BFSP1: variants seen among roughly 807,000 people sequenced by gnomAD.
BFSP1 encodes the protein filensin.
Under a neutral mutation model 43.9 loss-of-function variants are expected in BFSP1, and 38 were observed. That is an observed-to-expected ratio of 0.87 (90% confidence interval 0.67 to 1.14). The LOEUF is 1.14. BFSP1 is among the 50% of genes most tolerant of loss of function. BFSP1 has a pLI of 0.00. For missense variants in BFSP1, 850 were observed against 875.1 expected (o/e 0.97, Z 0.36); for synonymous variants, 352 against 354.8 (o/e 0.99, Z 0.09).
At chr20:17,497,630 A>ATATATATG in intron 6 of BFSP1, among the ~76,000 whole-genome samples, 3 of 143,320 alleles carry the variant, frequency 2.1e-5, no homozygotes, top group South Asian at 2.2e-4. Flanking sequence ...ATACACACAC[A>ATATATATG]TATATACATA....
At position 17,527,745 on chromosome 20, in the gene BFSP1, AAAATAAG is replaced by A. The variant is rs1465219639; in HGVS notation, c.378-2844_378-2838del. 7.1e-3 allele frequency among the ~76,000 whole-genome samples: 830 copies of A among 116,868 alleles called. 6 individuals are homozygous for A. The highest frequency in any genetic ancestry group is 0.031 in the African/African-American group (786 of 25,524). The allele number at this position is 116,868 out of a possible 152,430, so 76.7% of individuals were successfully genotyped here. ...TCTGTATCAAAAAAAATAATAAAAT[AAAATAAG>A]AGAGAGAGAGAGAGTGATTTCACTA... is the stretch of plus-strand genomic sequence containing the variant. On this transcript the variant is annotated intron_variant, in intron 1 of 7. Transcript: ENST00000377873.
intron 1 of BFSP1, among the ~76,000 whole-genome samples, chr20:17,552,612 G>A (rs2034913786): frequency 6.6e-6 from 1 of 152,188 alleles, no homozygotes; most frequent in African/African-American, 2.4e-5. Context: ...GTTTAGAGGT[G>A]ATGGTGAGTT....
At chr20:17,563,647 A>G (rs1159998400), upstream of BFSP1, among the ~76,000 whole-genome samples, 1 of 151,666 alleles carries the variant, frequency 6.6e-6, no homozygotes, top group East Asian at 1.9e-4. Context: ...CCACCACCCC[A>G]CCAGTTTCTG....
At chr20:17,530,309 G>T (rs1344400530) in intron 1 of BFSP1, among the ~76,000 whole-genome samples, 2 of 152,220 alleles carry the variant, frequency 1.3e-5, no homozygotes, top group Non-Finnish European at 2.9e-5. Flanking sequence ...ACAGCAGTTC[G>T]CCAGCTGAGG....
rs1257226746 is a variant in BFSP1, at chr20:17,494,978, G to C, written c.1094C>G (p.Ala365Gly). 6.2e-7 allele frequency: 1 copy of C among 1,613,912 alleles called. No homozygotes were observed. Among genetic ancestry groups the C allele is most frequent in the Non-Finnish European group, 8.5e-7 (1 of 1,179,996 alleles). Residue 365 changes from alanine (A) to glycine (G), a missense_variant, in exon 8 of 8, where the codon GCC (alanine) becomes GGC (glycine). Ala to Gly is a moderately conservative substitution (Grantham distance 60). Transcript: ENST00000377873. ...TCTCCTTGGAACATTCTTGGGGAGG[G>C]CTTTTTGTCTTGGTTTTGCTGCTGT... ...DITAAKPRQK[A>G]LPKNVPRRKE...
rs1454083369 is a variant in BFSP1 at position 17,507,324 on chromosome 20, T to C, written c.735+1565A>G. On this transcript the variant is annotated intron_variant, in intron 5 of 7. Coordinates refer to ENST00000377873, the MANE Select transcript of BFSP1 (RefSeq NM_001195.5). This position sits in a 1 kb window ranked among gnomAD's most constrained non-coding sequence, Gnocchi z 4.4. ...GTGTGTGTATTTCAACATATCCATA[T>C]GGATATAGAGAGATAAAACAAGGGC... Among the ~76,000 whole-genome samples, 1 of 151,896 alleles carries C rather than the reference T, an allele frequency of 6.6e-6. No homozygotes were observed. The highest frequency in any genetic ancestry group is 1.5e-5 in the Non-Finnish European group (1 of 67,980).
At chr20:17,527,348 C>A (rs1293411911) in intron 1 of BFSP1, among the ~76,000 whole-genome samples, 1 of 152,128 alleles carries the variant, frequency 6.6e-6, no homozygotes, top group Non-Finnish European at 1.5e-5. Context: ...GTTTCCATAG[C>A]TTAAGAACAT....
chr20:17,519,696 A>C (rs1259557722), intron 2 of BFSP1, among the ~76,000 whole-genome samples: 2 of 152,218 alleles, frequency 1.3e-5, no homozygotes, highest in Non-Finnish European at 2.9e-5. Context: ...AACTGCTCAT[A>C]GTGATAGTAA....
upstream of BFSP1, among the ~76,000 whole-genome samples, chr20:17,533,327 C>T (rs1298647289): frequency 1.3e-5 from 2 of 152,170 alleles, no homozygotes; most frequent in Non-Finnish European, 2.9e-5. Flanking sequence ...GGCTTCCTCA[C>T]GAGAGCAAAA....
chr20:17,517,500 T>C (rs932967027), intron 2 of BFSP1, among the ~76,000 whole-genome samples: 1 of 152,190 alleles, frequency 6.6e-6, no homozygotes, highest in Non-Finnish European at 1.5e-5. Flanking sequence ...GTCAGGCTGG[T>C]CTTGAACTCC....
chr20:17,527,531 T>C (rs1440420061), intron 1 of BFSP1, among the ~76,000 whole-genome samples: 1 of 151,978 alleles, frequency 6.6e-6, no homozygotes, highest in Admixed American at 6.6e-5. Flanking sequence ...ATCGAGACCA[T>C]CCTGGCTAAC....
rs147347481 is a variant in BFSP1, at chr20:17,509,370, C to T, written c.628-374G>A. ...CATCTTGATCTTGGACTTCCAGCACCCAGGACAGTGAGAAGTAAATGTCTG... is the reference window on the plus strand; with the variant it reads ...CATCTTGATCTTGGACTTCCAGCACTCAGGACAGTGAGAAGTAAATGTCTG... On this transcript the variant is annotated intron_variant, in intron 4 of 7. Coordinates refer to ENST00000377873, the MANE Select transcript of BFSP1 (RefSeq NM_001195.5). 1.2e-3 allele frequency among the ~76,000 whole-genome samples: 184 copies of T among 152,126 alleles called. 3 individuals carry two copies. The Middle Eastern group carries it at 0.017, about 14-fold the overall frequency.
upstream of BFSP1, chr20:17,563,176 C>A (rs1376647250): frequency 6.6e-6 from 1 of 152,216 alleles, no homozygotes; most frequent in Non-Finnish European, 1.5e-5. Flanking sequence ...CTCCTTCTTC[C>A]TTAGTAAAGG....
intron 1 of BFSP1, among the ~76,000 whole-genome samples, chr20:17,537,161 G>A (rs575014159): frequency 6.6e-6 from 1 of 152,176 alleles, no homozygotes; most frequent in African/African-American, 2.4e-5. Flanking sequence ...CCTGCCACAT[G>A]GTCCCACCAG....
upstream of BFSP1, among the ~76,000 whole-genome samples, chr20:17,535,921 T>G (rs1046917612): frequency 6.6e-6 from 1 of 152,056 alleles, no homozygotes; most frequent in Non-Finnish European, 1.5e-5. Context: ...CATTGAACAA[T>G]TTTACTTATT....
intron 5 of BFSP1, among the ~76,000 whole-genome samples, chr20:17,506,577 G>A (rs2123476040): frequency 6.7e-6 from 1 of 148,248 alleles, no homozygotes; most frequent in Admixed American, 6.7e-5. Flanking sequence ...AGGCTGGAGT[G>A]CAGTGGCTCA....
chr20:17,559,038 A>T, upstream of BFSP1: 1 of 243,210 alleles, frequency 4.1e-6, no homozygotes, highest in Non-Finnish European at 7.8e-6. Flanking sequence ...CAAAAAGAAG[A>T]GTAAAGAAAA....
chr20:17,561,978 C>T (rs1170536500), upstream of BFSP1, among the ~76,000 whole-genome samples: 2 of 151,818 alleles, frequency 1.3e-5, no homozygotes, highest in African/African-American at 2.4e-5. Flanking sequence ...TGGAGTATGA[C>T]GGCGCGATCT....
rs1229660551 is a variant in BFSP1 at position 17,525,108 on chromosome 20, C to T, written c.378-200G>A. ...TCAGAAAGTGGTACCATTTGCACAC[C>T]GCGTGGGGTAACCAGGGGCAGTTAG... On this transcript the variant is annotated intron_variant, in intron 1 of 7. Coordinates refer to ENST00000377873, the MANE Select transcript of BFSP1 (RefSeq NM_001195.5). The surrounding 1 kb of genome is among the most constrained non-coding windows in gnomAD (Gnocchi z 4.2). Among the ~76,000 whole-genome samples, 15 of 152,068 alleles carry T rather than the reference C, an allele frequency of 9.9e-5. No individual in the cohort carries two copies. The highest frequency in any genetic ancestry group is 1.5e-5 in the Non-Finnish European group (1 of 68,008).
Sources: gnomAD v4.1 joint callset for allele counts (sites outside exome capture counted in the v4.1 genomes callset) on GRCh38, gnomAD v4.1.1 for gene constraint, Gnocchi (gnomAD v3.1) non-coding constraint, MANE v1.5 for transcripts, NCBI Gene and HGNC (gene_info 2026-07-23, HGNC 2026-07-21) for gene names.